Variants in OSBPL11 observed in about 807,000 individuals in gnomAD.
OSBPL11 encodes oxysterol-binding protein-related protein 11.
A neutral mutation model predicts 84.4 loss-of-function variants in OSBPL11; 33 were observed. The observed-to-expected ratio is 0.39, with a 90% CI of 0.30 to 0.52. The LOEUF (loss-of-function observed/expected upper bound fraction) is 0.52, where lower values mean the gene tolerates loss of function less well. Among genes scored for constraint, OSBPL11 ranks in the 20% least tolerant of loss-of-function variants. The pLI, the probability that OSBPL11 is intolerant of heterozygous loss-of-function variation, is 0.72. For synonymous variants in OSBPL11, 276 were observed against 310.2 expected, an observed-to-expected ratio of 0.89 and a Z score of 1.16; for missense variants, 736 against 901.1, an observed-to-expected ratio of 0.82 and a Z score of 2.35.
At chr3:125,589,214 C>A (rs1291606142) in intron 1 of OSBPL11, among the ~76,000 whole-genome samples, 1 of 151,864 alleles carries the variant, frequency 6.6e-6, no homozygotes, top group Non-Finnish European at 1.5e-5. Context: ...CCGGGTGGCA[C>A]CTGCCTGTAC....
At chr3:125,531,777 G>T in intron 12 of OSBPL11, 84 bp downstream of exon 12, 1 of 1,308,204 alleles carries the variant, frequency 7.6e-7, no homozygotes, top group Non-Finnish European at 1.0e-6. Context: ...AGATGTATAA[G>T]TGATAGCAAT....
chr3:125,543,062 C>G (rs1276414083), intron 10 of OSBPL11, among the ~76,000 whole-genome samples: 2 of 150,612 alleles, frequency 1.3e-5, no homozygotes, highest in Non-Finnish European at 3.0e-5. Flanking sequence ...TGTTGAGGGT[C>G]TTAAAGAGTC....
chr3:125,531,195 G>A (rs1340871518), intron 12 of OSBPL11, among the ~76,000 whole-genome samples: 2 of 151,652 alleles, frequency 1.3e-5, no homozygotes, highest in African/African-American at 4.8e-5. Flanking sequence ...GGCCAGGCTG[G>A]TCTGAAACTC....
rs1936099769 is a variant in OSBPL11, at chr3:125,562,994, CCAAA to C, written c.1014+700_1014+703del. On this transcript the variant is annotated intron_variant, in intron 7 of 12. Coordinates refer to ENST00000296220, the MANE Select transcript of OSBPL11 (RefSeq NM_022776.5). Reference sequence around the variant, plus strand: ...TATTTATAATTAAAAAAAAAACCCTCCAAACAATCTAGATATTCAACAATAGGGA... The same window carrying C: ...TATTTATAATTAAAAAAAAAACCCTCCAATCTAGATATTCAACAATAGGGA... Among the ~76,000 whole-genome samples, 3 of 151,868 alleles carry C rather than the reference CCAAA, an allele frequency of 2.0e-5. 1 individual carries two copies. The South Asian group carries it at 6.2e-4, about 32-fold the overall frequency.
intron 2 of OSBPL11, 121 bp from the exon 3 acceptor site, chr3:125,580,161 A>G: frequency 3.7e-6 from 3 of 817,628 alleles, no homozygotes; most frequent in South Asian, 1.8e-5. Context: ...ATTTAAAAGC[A>G]TTTCAAGAGG....
rs538370357 is a variant in OSBPL11, at chr3:125,583,666, G to A, written c.165-688C>T. Among the ~76,000 whole-genome samples, 6 of 151,750 alleles carry A rather than the reference G, an allele frequency of 4.0e-5. No homozygotes were observed. The East Asian group carries it at 1.2e-3, about 29-fold the overall frequency. On this transcript the variant is annotated intron_variant, in intron 1 of 12. Coordinates refer to ENST00000296220, the MANE Select transcript of OSBPL11 (RefSeq NM_022776.5). ...AACACTTTGGGAGATCAAGATAGGG[G>A]GATCACTTGAGCCCAGGAGTTTGAA...
At chr3:125,578,304 A>T (rs1936362670) in intron 4 of OSBPL11, among the ~76,000 whole-genome samples, 1 of 152,242 alleles carries the variant, frequency 6.6e-6, no homozygotes, top group African/African-American at 2.4e-5. Flanking sequence ...GGTTCAATTT[A>T]CATAAAATGC....
intron 10 of OSBPL11, among the ~76,000 whole-genome samples, chr3:125,546,604 A>C (rs1390880502): frequency 6.6e-6 from 1 of 152,128 alleles, no homozygotes. Context: ...CATGTGACTA[A>C]GAAATACATC....
intron 10 of OSBPL11, among the ~76,000 whole-genome samples, chr3:125,541,745 C>T (rs1016566016): frequency 6.6e-6 from 1 of 152,074 alleles, no homozygotes; most frequent in East Asian, 1.9e-4. Flanking sequence ...GCTCAGCTAA[C>T]TTTTTAATTT....
At chr3:125,545,555 T>G (rs143916571) in intron 10 of OSBPL11, among the ~76,000 whole-genome samples, 1 of 152,200 alleles carries the variant, frequency 6.6e-6, no homozygotes, top group African/African-American at 2.4e-5. Flanking sequence ...TAGGCAAAGA[T>G]AGTCTTTATT....
chr3:125,540,248 G>C (rs192875788), intron 10 of OSBPL11, among the ~76,000 whole-genome samples: 17 of 144,612 alleles, frequency 1.2e-4, no homozygotes, highest in Middle Eastern at 7.0e-3. Flanking sequence ...AGAATTGCTT[G>C]AACCCAGGAG....
Position 125,531,556 on chromosome 3 carries a change from A to C in OSBPL11, c.2178+305T>G, listed in dbSNP as rs1580027261. ...TCCGCCTGCCTCGGCCTCGCAAAGT[A>C]CTGGGATTACAGGCATGAGCCACCG... On this transcript the variant is annotated intron_variant, in intron 12 of 12. Transcript: ENST00000296220. 1.3e-5 allele frequency among the ~76,000 whole-genome samples: 2 copies of C among 151,616 alleles called. 1 individual carries two copies. Among genetic ancestry groups the C allele is most frequent in the Admixed American group, 1.3e-4 (2 of 15,216 alleles).
At chr3:125,566,631 T>C (rs1936159968) in intron 6 of OSBPL11, among the ~76,000 whole-genome samples, 1 of 152,196 alleles carries the variant, frequency 6.6e-6, no homozygotes, top group African/African-American at 2.4e-5. Flanking sequence ...CTATCATCAC[T>C]AGCATTATTA....
chr3:125,566,574 G>A (rs1936159616), intron 6 of OSBPL11, among the ~76,000 whole-genome samples: 1 of 152,038 alleles, frequency 6.6e-6, no homozygotes, highest in Non-Finnish European at 1.5e-5. Flanking sequence ...TATGAGTAAG[G>A]TGAATTAGTT....
chr3:125,570,330 C>CAAAAAAAA, intron 5 of OSBPL11, among the ~76,000 whole-genome samples: 1 of 119,308 alleles, frequency 8.4e-6, no homozygotes, highest in South Asian at 2.7e-4. Flanking sequence ...CCATCTCTAG[C>CAAAAAAAA]AAAAAAAAAA....
At position 125,594,621 on chromosome 3, in the gene OSBPL11, G is replaced by C; in HGVS notation, c.164+16C>G. 1 of 1,608,024 alleles carries C rather than the reference G, an allele frequency of 6.2e-7. No homozygotes were observed. Among genetic ancestry groups the C allele is most frequent in the South Asian group, 1.1e-5 (1 of 90,848 alleles). ...TACCTCCACCTCGGGAAATAATTTT[G>C]GAGAAAGGAGCATACCTGTACTGCC... On this transcript the variant is annotated intron_variant, in intron 1 of 12. Coordinates refer to ENST00000296220, the MANE Select transcript of OSBPL11 (RefSeq NM_022776.5).
At position 125,547,490 on chromosome 3, in the gene OSBPL11, T is replaced by C. The variant is rs777294285; in HGVS notation, c.1757A>G (p.Lys586Arg). The C allele has an allele frequency of 5.6e-6, 9 of 1,613,896 alleles. No individual in the cohort carries two copies. The Admixed American group carries it at 1.5e-4, about 27-fold the overall frequency. ...LTVPWVELGG[K>R]VSVNCAKTGY... ...AGTTTTTGCACAGTTGACACTGACT[T>C]TGCCACCCAGTTCTACCCAAGGAAC... The change falls in exon 10 of 13, where the codon AAA (lysine) becomes AGA (arginine). Residue 586 changes from lysine (K) to arginine (R), a missense_variant. By Grantham distance (26) the Lys-to-Arg change is conservative. Coordinates refer to ENST00000296220, the MANE Select transcript of OSBPL11 (RefSeq NM_022776.5).
At chr3:125,571,437 AC>A (rs1464263016) in intron 5 of OSBPL11, among the ~76,000 whole-genome samples, 2 of 152,060 alleles carry the variant, frequency 1.3e-5, no homozygotes, top group Non-Finnish European at 2.9e-5. Context: ...CTGAATGTTA[AC>A]CCCCAAGACA....
rs1935522879 is a variant in OSBPL11, at chr3:125,529,327, G to C, written c.*1188C>G. The C allele has an allele frequency of 6.6e-6, 1 of 152,036 alleles. No individual in the cohort carries two copies. Among genetic ancestry groups the C allele is most frequent in the Non-Finnish European group, 1.5e-5 (1 of 68,030 alleles). 9.4% of individuals were successfully genotyped at this position (152,036 alleles called of 1,614,324 possible). A position where few individuals can be genotyped will look rare whatever the true frequency, so the allele number is the denominator to read the frequency against. ...ATTAGCTCTATTCTTTTAATTGCCA[G>C]CAATTCTTCAACCTCAACAAAATAC... On this transcript the variant is annotated 3_prime_UTR_variant, in exon 13 of 13. Coordinates refer to ENST00000296220, the MANE Select transcript of OSBPL11 (RefSeq NM_022776.5).
Sources: allele counts gnomAD v4.1 joint callset (sites outside exome capture counted in the v4.1 genomes callset), GRCh38; gene constraint gnomAD v4.1.1; transcripts MANE v1.5; gene names NCBI Gene and HGNC (gene_info 2026-07-23, HGNC 2026-07-21).